DCDC1: variants seen among roughly 807,000 people sequenced by gnomAD.
DCDC1 encodes doublecortin domain containing 1.
A neutral mutation model predicts 178.3 loss-of-function variants in DCDC1; 200 were observed. The observed-to-expected ratio is 1.12, with a 90% confidence interval of 1.00 to 1.26. The LOEUF (loss-of-function observed/expected upper bound fraction) is 1.26. Ranked by LOEUF, DCDC1 falls within the 50% of genes most tolerant of loss-of-function variation. The pLI is 0.00. For synonymous variants in DCDC1, 690 were observed against 604.8 expected (o/e 1.14, Z -2.07); for missense variants, 1,983 against 1,749.2 (o/e 1.13, Z -2.38).
At chr11:31,315,378 T>C (rs1175114085) in intron 3 of DCDC1, among the ~76,000 whole-genome samples, 1 of 127,624 alleles carries the variant, frequency 7.8e-6, no homozygotes, top group Non-Finnish European at 1.6e-5. Flanking sequence ...AGTACAGTGG[T>C]ACAGTCTCGG....
intron 17 of DCDC1, among the ~76,000 whole-genome samples, chr11:31,088,405 GATTA>G (rs571098905): frequency 3.3e-5 from 5 of 151,592 alleles, no homozygotes; most frequent in African/African-American, 7.3e-5. Flanking sequence ...TCTTGATTTG[GATTA>G]ATTATTTTTA....
intron 7 of DCDC1, among the ~76,000 whole-genome samples, chr11:31,287,814 A>T (rs1051359987): frequency 6.6e-6 from 1 of 151,936 alleles, no homozygotes; most frequent in Non-Finnish European, 1.5e-5. Flanking sequence ...CAAAGGAGAG[A>T]GAGAACGATA....
intron 7 of DCDC1, among the ~76,000 whole-genome samples, chr11:31,272,784 G>C (rs1945667482): frequency 6.6e-6 from 1 of 152,232 alleles, no homozygotes; most frequent in Non-Finnish European, 1.5e-5. Flanking sequence ...GCTTTCATGG[G>C]CTGGTGTTGA....
intron 9 of DCDC1, among the ~76,000 whole-genome samples, chr11:31,230,336 A>G (rs1269147613): frequency 6.6e-6 from 1 of 152,082 alleles, no homozygotes; most frequent in Non-Finnish European, 1.5e-5. Flanking sequence ...AAAAATAGTC[A>G]TAAAAAATAT....
intron 9 of DCDC1, among the ~76,000 whole-genome samples, chr11:31,150,934 A>C (rs1371119339): frequency 6.6e-6 from 1 of 152,226 alleles, no homozygotes; most frequent in African/African-American, 2.4e-5. Context: ...ATGGAAGATT[A>C]ATAAATTCTT....
intron 38 of DCDC1, among the ~76,000 whole-genome samples, chr11:30,869,273 GA>G (rs1176031561): frequency 2.0e-5 from 3 of 152,232 alleles, no homozygotes; most frequent in African/African-American, 7.2e-5. Context: ...TGTTTTATAA[GA>G]AGGCAATGTG....
chr11:31,047,941 A>C (rs1954965459), intron 20 of DCDC1, among the ~76,000 whole-genome samples: 1 of 152,200 alleles, frequency 6.6e-6, no homozygotes. Context: ...ACTTTATACT[A>C]ATACTAACAA....
chr11:31,198,720 T>G (rs987596363), intron 9 of DCDC1, among the ~76,000 whole-genome samples: 1 of 152,042 alleles, frequency 6.6e-6, no homozygotes, highest in African/African-American at 2.4e-5. Context: ...TTTCTACCAA[T>G]AGTGAACTGA....
intron 34 of DCDC1, 78 bp from the exon 35 acceptor site, chr11:30,894,462 T>C (rs948823878): frequency 1.2e-5 from 19 of 1,560,974 alleles, no homozygotes; most frequent in East Asian, 6.7e-5. Flanking sequence ...TGGCTCTCTA[T>C]GTATAAATCG....
intron 22 of DCDC1, 49 bp downstream of exon 22, chr11:30,931,722 T>C (rs370611443): frequency 3.5e-5 from 52 of 1,506,600 alleles, no homozygotes; most frequent in Non-Finnish European, 4.4e-5. Flanking sequence ...ACACAAAATC[T>C]GTACAAACTA....
intron 3 of DCDC1, 63 bp from the exon 4 acceptor site, chr11:31,307,971 C>T: frequency 6.3e-7 from 1 of 1,585,172 alleles, no homozygotes; most frequent in Non-Finnish European, 8.6e-7. Flanking sequence ...TTAACAAATA[C>T]CATATAATAA....
At chr11:31,245,489 T>C (rs1591527263) in intron 8 of DCDC1, among the ~76,000 whole-genome samples, 1 of 151,798 alleles carries the variant, frequency 6.6e-6, no homozygotes, top group East Asian at 1.9e-4. Context: ...TAAACATGAA[T>C]ATACCCGAAT....
chr11:31,344,015 A>G (rs1950687199), intron 1 of DCDC1, among the ~76,000 whole-genome samples: 1 of 152,206 alleles, frequency 6.6e-6, no homozygotes, highest in Non-Finnish European at 1.5e-5. Flanking sequence ...CATTACCATT[A>G]TTAAATGAAA....
chr11:30,947,029 A>G (rs1373978657), intron 21 of DCDC1, among the ~76,000 whole-genome samples: 1 of 152,226 alleles, frequency 6.6e-6, no homozygotes, highest in Non-Finnish European at 1.5e-5. Flanking sequence ...TACAAGTAAA[A>G]CAGACTATCT....
rs1183059777 is a variant in DCDC1 at position 30,995,125 on chromosome 11, A to C, written c.2592-42557T>G. 2.0e-5 allele frequency among the ~76,000 whole-genome samples: 3 copies of C among 152,122 alleles called. No homozygotes were observed. The South Asian group carries it at 6.2e-4, about 31-fold the overall frequency. ...ATATACCCGCAATGAAAGAAATAAAATTTGAAACTAAATCTCAAAACATCA... is the reference window on the plus strand; with the variant it reads ...ATATACCCGCAATGAAAGAAATAAACTTTGAAACTAAATCTCAAAACATCA... On this transcript the variant is annotated intron_variant, in intron 20 of 38. Coordinates refer to ENST00000684477, the MANE Select transcript of DCDC1 (RefSeq NM_001387274.1).
At chr11:31,069,783 A>G (rs1357148382) in intron 18 of DCDC1, among the ~76,000 whole-genome samples, 1 of 152,192 alleles carries the variant, frequency 6.6e-6, no homozygotes, top group Non-Finnish European at 1.5e-5. Flanking sequence ...TCTGAGGTAC[A>G]TTCCCCTAAT....
At chr11:31,010,724 G>T (rs138543216) in intron 20 of DCDC1, among the ~76,000 whole-genome samples, 2 of 152,074 alleles carry the variant, frequency 1.3e-5, no homozygotes, top group African/African-American at 4.8e-5. Flanking sequence ...AGTGAAAAAT[G>T]TTTTTAATGA....
At chr11:31,343,149 G>T (rs1203175927) in intron 1 of DCDC1, among the ~76,000 whole-genome samples, 2 of 152,130 alleles carry the variant, frequency 1.3e-5, no homozygotes, top group Admixed American at 1.3e-4. Context: ...GTGCATGCCT[G>T]TAGTCCTAGC....
chr11:30,986,333 TCTC>T lies in DCDC1; in HGVS notation c.2592-33768_2592-33766del, dbSNP rs796411970. Among the ~76,000 whole-genome samples the T allele has an allele frequency of 7.9e-4, 118 of 149,754 alleles. 1 individual carries two copies. Among genetic ancestry groups the T allele is most frequent in the African/African-American group, 2.8e-3 (114 of 40,408 alleles). On this transcript the variant is annotated intron_variant, in intron 20 of 38. Coordinates refer to ENST00000684477, the MANE Select transcript of DCDC1 (RefSeq NM_001387274.1). ...ATAATGACTTCCACATTTTTCTCTC[TCTC>T]TTTTTTTTTTTTTTTGAGATGGAGT...
Sources: allele counts gnomAD v4.1 joint callset (sites outside exome capture counted in the v4.1 genomes callset), GRCh38; gene constraint gnomAD v4.1.1; transcripts MANE v1.5; gene names NCBI Gene and HGNC (gene_info 2026-07-23, HGNC 2026-07-21).